The following CTNNA2 variants were observed in gnomAD, a reference collection of about 807,000 sequenced individuals.
CTNNA2 encodes the protein catenin alpha-2.
CTNNA2 carries 42 observed loss-of-function variants against 101.0 expected under a neutral mutation model. The ratio of observed to expected loss-of-function variants is 0.42; its 90% CI spans 0.32 to 0.54. The LOEUF (loss-of-function observed/expected upper bound fraction) is 0.54, where lower values mean the gene tolerates loss of function less well. Among genes scored for constraint, CTNNA2 ranks in the 20% least tolerant of loss-of-function variants. CTNNA2 has a pLI of 0.14. For missense variants in CTNNA2, 871 were observed against 1,223.1 expected (o/e 0.71, Z 4.29); for synonymous variants, 450 against 456.4 (o/e 0.99, Z 0.18).
intron 4 of CTNNA2, among the ~76,000 whole-genome samples, chr2:79,417,851 T>C (rs572263618): frequency 6.6e-6 from 1 of 152,264 alleles, no homozygotes; most frequent in South Asian, 2.1e-4. Context: ...ACCTAACAGG[T>C]TCTTCCTGCC....
intron 7 of CTNNA2, among the ~76,000 whole-genome samples, chr2:80,076,231 G>C (rs1405471029): frequency 6.6e-6 from 1 of 151,576 alleles, no homozygotes; most frequent in Non-Finnish European, 1.5e-5. Flanking sequence ...GATGGCATAG[G>C]TTTTGGGTTT....
intron 4 of CTNNA2, among the ~76,000 whole-genome samples, chr2:79,381,807 T>C (rs996275614): frequency 2.0e-5 from 3 of 152,170 alleles, no homozygotes; most frequent in African/African-American, 2.4e-5. Flanking sequence ...TTCTGTGTGT[T>C]GTGGGTGATG....
At chr2:80,051,282 G>A (rs771104770) in intron 7 of CTNNA2, among the ~76,000 whole-genome samples, 2 of 152,116 alleles carry the variant, frequency 1.3e-5, no homozygotes, top group Non-Finnish European at 2.9e-5. Flanking sequence ...GAACTCTTAC[G>A]TCATTCACAT....
At chr2:79,755,801 T>C (rs13010862) in intron 3 of CTNNA2, among the ~76,000 whole-genome samples, 22,702 of 152,166 alleles carry the variant, frequency 0.15, 1,778 homozygotes, top group Middle Eastern at 0.23. Flanking sequence ...AAAAGTATGC[T>C]ATCTAGGAAT....
At position 80,409,699 on chromosome 2, in the gene CTNNA2, C is replaced by T. The variant is rs1679393469; in HGVS notation, c.1138-9750C>T. On this transcript the variant is annotated intron_variant, in intron 8 of 18. Transcript: ENST00000402739. ...TTCTTTCTGAGGACTTCTTATTTCTCTTATAATAAGGTTCCTGCCACCTCT... is the reference window on the plus strand; with the variant it reads ...TTCTTTCTGAGGACTTCTTATTTCTTTTATAATAAGGTTCCTGCCACCTCT... 1.3e-5 allele frequency among the ~76,000 whole-genome samples: 2 copies of T among 152,158 alleles called. 1 individual carries two copies. The highest frequency in any genetic ancestry group is 4.1e-4 in the South Asian group (2 of 4,824).
At chr2:79,733,851 C>T (rs943303364) in intron 2 of CTNNA2, among the ~76,000 whole-genome samples, 10 of 151,998 alleles carry the variant, frequency 6.6e-5, no homozygotes, top group African/African-American at 2.2e-4. Flanking sequence ...TGTCAAACCT[C>T]GTGTTCATGT....
At chr2:80,070,933 T>G (rs1698300655) in intron 7 of CTNNA2, among the ~76,000 whole-genome samples, 1 of 152,144 alleles carries the variant, frequency 6.6e-6, no homozygotes, top group Non-Finnish European at 1.5e-5. Context: ...TTCTCTGCTC[T>G]CCTCTTATAA....
At position 80,441,276 on chromosome 2, in the gene CTNNA2, C is replaced by T. The variant is rs1682549517; in HGVS notation, c.1290+21675C>T. 3.3e-5 allele frequency among the ~76,000 whole-genome samples: 5 copies of T among 152,270 alleles called. No individual in the cohort carries two copies. The South Asian group carries it at 1.0e-3, about 32-fold the overall frequency. On this transcript the variant is annotated intron_variant, in intron 9 of 18. Transcript: ENST00000402739. ...TCAAAAAAAATTATTGGTGAAGTTGCTTTTTGCTATTTGATGAGGTGTCCT... is the reference window on the plus strand; with the variant it reads ...TCAAAAAAAATTATTGGTGAAGTTGTTTTTTGCTATTTGATGAGGTGTCCT...
At chr2:80,250,215 G>T (rs1266924616) in intron 7 of CTNNA2, among the ~76,000 whole-genome samples, 2 of 151,620 alleles carry the variant, frequency 1.3e-5, no homozygotes, top group Non-Finnish European at 3.0e-5. Context: ...GTGTGTGTGT[G>T]TGTGTGTGTG....
chr2:80,291,071 G>A (rs532872812), intron 7 of CTNNA2, among the ~76,000 whole-genome samples: 1 of 152,322 alleles, frequency 6.6e-6, no homozygotes, highest in South Asian at 2.1e-4. Context: ...AGAACAAGGT[G>A]TGGCTTGAAA....
At chr2:79,432,513 G>A (rs2104511182) in intron 4 of CTNNA2, among the ~76,000 whole-genome samples, 1 of 152,198 alleles carries the variant, frequency 6.6e-6, no homozygotes, top group Non-Finnish European at 1.5e-5. Flanking sequence ...GAATTATTCA[G>A]CCTTTCCTTC....
At chr2:80,053,861 C>T (rs1697041004) in intron 7 of CTNNA2, among the ~76,000 whole-genome samples, 1 of 152,310 alleles carries the variant, frequency 6.6e-6, no homozygotes, top group East Asian at 1.9e-4. Context: ...CATTTCTTAG[C>T]AAATTTGTAT....
intron 4 of CTNNA2, among the ~76,000 whole-genome samples, chr2:79,430,212 A>ATT (rs1678645239): frequency 6.6e-6 from 1 of 151,802 alleles, no homozygotes; most frequent in Non-Finnish European, 1.5e-5. Context: ...TACACCAAAA[A>ATT]GGCTGTAATT....
chr2:80,519,125 G>A (rs1317155304), intron 9 of CTNNA2, among the ~76,000 whole-genome samples: 1 of 152,178 alleles, frequency 6.6e-6, no homozygotes, highest in East Asian at 1.9e-4. Flanking sequence ...TCTTTTGTGT[G>A]TGTGTGTACG....
rs1017215759 is a variant in CTNNA2, at chr2:80,421,961, T to A, written c.1290+2360T>A. 1.2e-4 allele frequency among the ~76,000 whole-genome samples: 18 copies of A among 152,226 alleles called. No individual in the cohort carries two copies. The East Asian group carries it at 3.1e-3, about 26-fold the overall frequency. On this transcript the variant is annotated intron_variant, in intron 9 of 18. Coordinates refer to ENST00000402739, the MANE Select transcript of CTNNA2 (RefSeq NM_001282597.3). The stretch of plus-strand genomic sequence containing the variant: ...TTGATTTTATATCCATTGAACTTGA[T>A]AAATTCAGTTACTAATTCTAAAATT...
At position 79,894,421 on chromosome 2, in the gene CTNNA2, A is replaced by G. The variant is rs190199618; in HGVS notation, c.853-15173A>G. On this transcript the variant is annotated intron_variant, in intron 6 of 18. Transcript: ENST00000402739. Reference sequence around the variant, plus strand: ...TAGTCACATATTATTTACTAGTAAAACTCTGTCTTCAGGATCAACTTTAAA... The same window carrying G: ...TAGTCACATATTATTTACTAGTAAAGCTCTGTCTTCAGGATCAACTTTAAA... 2.7e-3 allele frequency among the ~76,000 whole-genome samples: 406 copies of G among 151,896 alleles called. 1 individual carries two copies. The highest frequency in any genetic ancestry group is 9.5e-3 in the African/African-American group (393 of 41,396).
chr2:80,381,467 C>T (rs1339376964), intron 7 of CTNNA2, among the ~76,000 whole-genome samples: 1 of 152,076 alleles, frequency 6.6e-6, no homozygotes, highest in Non-Finnish European at 1.5e-5. Context: ...GAAGACAGTG[C>T]TGGCATTTTG....
intron 3 of CTNNA2, among the ~76,000 whole-genome samples, chr2:79,347,996 A>G (rs534910588): frequency 6.6e-6 from 1 of 152,188 alleles, no homozygotes; most frequent in Admixed American, 6.5e-5. Flanking sequence ...AACAGTTGTC[A>G]CTGGAAGGAC....
intron 4 of CTNNA2, among the ~76,000 whole-genome samples, chr2:79,407,800 A>G (rs952620484): frequency 5.9e-5 from 9 of 152,030 alleles, no homozygotes; most frequent in African/African-American, 2.2e-4. Context: ...AGCCTGACAA[A>G]GGGTTGTATC....
Sources: gnomAD v4.1 joint callset for allele counts (sites outside exome capture counted in the v4.1 genomes callset) on GRCh38, gnomAD v4.1.1 for gene constraint, MANE v1.5 for transcripts, NCBI Gene and HGNC (gene_info 2026-07-23, HGNC 2026-07-21) for gene names.